Variants in RBM23 observed in about 807,000 individuals in gnomAD.
RBM23 encodes RNA binding motif protein 23, also known as probable RNA-binding protein 23.
RBM23 carries 53 observed loss-of-function variants against 56.2 expected under a neutral mutation model. That is an observed-to-expected ratio of 0.94 (90% CI 0.76 to 1.19). RBM23 has a LOEUF of 1.19. Ranked by LOEUF, RBM23 falls within the 50% of genes most tolerant of loss-of-function variation. RBM23 has a pLI of 0.00. For missense variants in RBM23, 642 were observed against 590.3 expected, an observed-to-expected ratio of 1.09 and a Z score of -0.91; for synonymous variants, 197 against 198.5, an observed-to-expected ratio of 0.99 and a Z score of 0.06.
At position 22,905,656 on chromosome 14, in the gene RBM23, A is replaced by C; in HGVS notation, c.405T>G (p.Tyr135Ter). Residue 135 changes from tyrosine (Y) to a stop codon, truncating the protein, a stop_gained, in exon 6 of 14, where the codon TAT becomes TAG. Transcript: ENST00000359890. LOFTEE classifies it high-confidence loss of function. The stretch of plus-strand genomic sequence containing the variant: ...GAGGACTCTTACTGTGTCCATACCT[A>C]TAACTAAAGAATAGAGAAAAACAAA... The part of the protein sequence containing the change: ...HYRSPPLATG[Y>*]RYGHSKSPHF... The C allele has an allele frequency of 6.2e-7, 1 of 1,602,460 alleles. No homozygotes were observed. The highest frequency in any genetic ancestry group is 1.1e-5 in the South Asian group (1 of 90,704).
rs560547482 is a variant in RBM23 at position 22,912,732 on chromosome 14, G to A, written c.-10-1329C>T. On this transcript the variant is annotated intron_variant, in intron 1 of 13. Coordinates refer to ENST00000359890, the MANE Select transcript of RBM23 (RefSeq NM_001077351.2). Reference sequence around the variant, plus strand: ...AGGCCAGGCGCGGTGGCTCATGCCTGTAATCCCAGCACTTTGGGAGGCCGA... The same window carrying A: ...AGGCCAGGCGCGGTGGCTCATGCCTATAATCCCAGCACTTTGGGAGGCCGA... Among the ~76,000 whole-genome samples, 33 of 152,148 alleles carry A rather than the reference G, an allele frequency of 2.2e-4. 1 individual carries two copies. In the East Asian group the frequency reaches 5.8e-3, roughly 27 times the overall value.
At position 22,897,286 on chromosome 14, in the gene RBM23, T is replaced by G. The variant is rs554580220; in HGVS notation, c.*4444A>C. The G allele has an allele frequency of 6.6e-6, 1 of 152,314 alleles. No individual in the cohort carries two copies. The highest frequency in any genetic ancestry group is 1.9e-4 in the East Asian group (1 of 5,190). The allele number at this position is 152,314 out of a possible 1,614,324, so 9.4% of individuals were successfully genotyped here. A position where few individuals can be genotyped will look rare whatever the true frequency, so the allele number is the denominator to read the frequency against. ...AGTAATGGAGTTTTCAATAAAATAA[T>G]TTTTATTGCAATTATTTTATTTACT... On this transcript the variant is annotated 3_prime_UTR_variant, in exon 14 of 14. Coordinates refer to ENST00000359890, the MANE Select transcript of RBM23 (RefSeq NM_001077351.2).
rs180752762 is a variant in RBM23 at position 22,915,521 on chromosome 14, A to C, written c.-11+3478T>G. Reference sequence around the variant, plus strand: ...CTTTTTTTTTTTTTTTTTGAGAAGGAGTCTAGCTCTGTTGTCCAGGCTGGA... The same window carrying C: ...CTTTTTTTTTTTTTTTTTGAGAAGGCGTCTAGCTCTGTTGTCCAGGCTGGA... On this transcript the variant is annotated intron_variant, in intron 1 of 13. Transcript: ENST00000359890. Among the ~76,000 whole-genome samples the C allele has an allele frequency of 2.4e-3, 297 of 123,862 alleles. 2 individuals are homozygous for C. The highest frequency in any genetic ancestry group is 9.2e-3 in the African/African-American group (288 of 31,366). The allele number at this position is 123,862 out of a possible 152,430, so 81.3% of individuals were successfully genotyped here. A position where few individuals can be genotyped will look rare whatever the true frequency, so the allele number is the denominator to read the frequency against.
rs940728447 is a variant in RBM23, at chr14:22,894,122, C to T, written c.*7608G>A. 9 of 152,282 alleles carry T rather than the reference C, an allele frequency of 5.9e-5. No individual in the cohort carries two copies. The highest frequency in any genetic ancestry group is 3.3e-4 in the Admixed American group (5 of 15,292). The allele number at this position is 152,282 out of a possible 1,614,324, so 9.4% of individuals were successfully genotyped here. A position where few individuals can be genotyped will look rare whatever the true frequency, so the allele number is the denominator to read the frequency against. On this transcript the variant is annotated 3_prime_UTR_variant, in exon 14 of 14. Coordinates refer to ENST00000359890, the MANE Select transcript of RBM23 (RefSeq NM_001077351.2). ...ATTTCTCAAGCATTATACAGAGAAGCGGTGGAAGTAGTAATGCCTTTTGCA... is the reference window on the plus strand; with the variant it reads ...ATTTCTCAAGCATTATACAGAGAAGTGGTGGAAGTAGTAATGCCTTTTGCA...
rs1051505120 is a variant in RBM23, at chr14:22,900,015, CTTATTA to C, written c.*1709_*1714del. The C allele has an allele frequency of 2.6e-5, 4 of 152,246 alleles. No individual in the cohort carries two copies. The East Asian group carries it at 7.7e-4, about 29-fold the overall frequency. 9.4% of individuals were successfully genotyped at this position (152,246 alleles called of 1,614,324 possible). On this transcript the variant is annotated 3_prime_UTR_variant, in exon 14 of 14. Transcript: ENST00000359890. ...GGTGAGACAGCCTCTCTCCCACCCC[CTTATTA>C]TTAAGGCAGTGGTAGGTGCACCTTC...
At position 22,900,385 on chromosome 14, in the gene RBM23, C is replaced by G. The variant is rs2040349421; in HGVS notation, c.*1345G>C. 7.7e-6 allele frequency: 1 copy of G among 129,452 alleles called. No homozygotes were observed. Among genetic ancestry groups the G allele is most frequent in the Non-Finnish European group, 1.6e-5 (1 of 63,116 alleles). 8.0% of individuals were successfully genotyped at this position (129,452 alleles called of 1,614,324 possible). On this transcript the variant is annotated 3_prime_UTR_variant, in exon 14 of 14. Transcript: ENST00000359890. ...AAAAAAACAAGTGTAGAATGCAGTA[C>G]TGTCATAGTGCCATCTGCTGGAAAG...
At chr14:22,915,668 G>T (rs943987342) in intron 1 of RBM23, among the ~76,000 whole-genome samples, 1 of 151,644 alleles carries the variant, frequency 6.6e-6, no homozygotes, top group South Asian at 2.1e-4. Context: ...ACTAATTTTT[G>T]TATTTTTAGT....
intron 1 of RBM23, among the ~76,000 whole-genome samples, chr14:22,918,757 C>T (rs1294743045): frequency 6.6e-6 from 1 of 152,156 alleles, no homozygotes; most frequent in Non-Finnish European, 1.5e-5. Context: ...TTCTAGAAAC[C>T]GCATCTTTAT....
chr14:22,905,047 A>G (rs376425273), intron 8 of RBM23, 35 bp from the exon 9 acceptor site: 40 of 1,613,910 alleles, frequency 2.5e-5, no homozygotes, highest in Non-Finnish European at 3.3e-5. Context: ...CATGTCCCAC[A>G]TTCCCTCTCC....
Position 22,905,412 on chromosome 14 carries a change from C to G in RBM23, c.497G>C (p.Arg166Pro), listed in dbSNP as rs572895941. The G allele has an allele frequency of 6.2e-7, 1 of 1,614,120 alleles. No individual in the cohort carries two copies. The highest frequency in any genetic ancestry group is 8.5e-7 in the Non-Finnish European group (1 of 1,180,028). Reference sequence around the variant, plus strand: ...AGCTAACTGCATACAGAAAACTGTGCGGGCATCACGCTCCTCAGGACTCAG... The same window carrying G: ...AGCTAACTGCATACAGAAAACTGTGGGGGCATCACGCTCCTCAGGACTCAG... Reference protein sequence around the residue: ...DNLSPEERDARTVFCMQLAAR... With the variant: ...DNLSPEERDAPTVFCMQLAAR... The change falls in exon 7 of 14, where the codon CGC becomes CCC. Residue 166 changes from arginine to proline, a missense_variant. By Grantham distance (103) the Arg-to-Pro change is moderately radical. Coordinates refer to ENST00000359890, the MANE Select transcript of RBM23 (RefSeq NM_001077351.2).
chr14:22,914,674 A>C (rs1030868417), intron 1 of RBM23, among the ~76,000 whole-genome samples: 1 of 151,814 alleles, frequency 6.6e-6, no homozygotes, highest in Non-Finnish European at 1.5e-5. Context: ...TCATAATCAG[A>C]CTTTTTCATA....
In RBM23 at chr14:22,899,821, TAAC is replaced by T. The variant is rs1405399387; in HGVS notation, c.*1906_*1908del. The T allele has an allele frequency of 6.6e-6, 1 of 152,236 alleles. No individual in the cohort carries two copies. Among genetic ancestry groups the T allele is most frequent in the Non-Finnish European group, 1.5e-5 (1 of 68,040 alleles). 9.4% of individuals were successfully genotyped at this position (152,236 alleles called of 1,614,324 possible). A position where few individuals can be genotyped will look rare whatever the true frequency, so the allele number is the denominator to read the frequency against. ...TTGTGTTAAAAGCAACCCCAGAGGC[TAAC>T]ATCACTGGCTTAGAAGTCTGAGAGC... is the stretch of plus-strand genomic sequence containing the variant. On this transcript the variant is annotated 3_prime_UTR_variant, in exon 14 of 14. Coordinates refer to ENST00000359890, the MANE Select transcript of RBM23 (RefSeq NM_001077351.2).
chr14:22,917,549 G>GT (rs201252399), intron 1 of RBM23: 5,851 of 134,202 alleles, frequency 0.044, 195 homozygotes, highest in Non-Finnish European at 0.07. Context: ...CAGGCTGGTA[G>GT]TTTTTTCTTT....
chr14:22,908,488 G>T, intron 3 of RBM23, 108 bp from the exon 4 acceptor site: 1 of 1,254,064 alleles, frequency 8.0e-7, no homozygotes, highest in Non-Finnish European at 1.1e-6. Flanking sequence ...CGCCTTCCAG[G>T]TTCAAGCGAT....
At chr14:22,912,998 C>CAAAAA (rs58361546) in intron 1 of RBM23, among the ~76,000 whole-genome samples, 2 of 35,412 alleles carry the variant, frequency 5.6e-5, no homozygotes, top group African/African-American at 1.6e-4. Flanking sequence ...GATTCAGTCT[C>CAAAAA]AAAAAAAAAA....
chr14:22,905,636 C>T lies in RBM23; in HGVS notation c.425G>A (p.Ser142Asn). ...TGGGCTCTTCTCTCTGAAATGAGGA[C>T]TCTTACTGTGTCCATACCTATAACT... Reference protein sequence around the residue: ...ATGYRYGHSKSPHFREKSPVR... With the variant: ...ATGYRYGHSKNPHFREKSPVR... The change falls in exon 6 of 14, where the codon AGT becomes AAT. Residue 142 changes from serine (S) to asparagine (N), a missense_variant. By Grantham distance (46) the Ser-to-Asn change is conservative (BLOSUM62 1). Coordinates refer to ENST00000359890, the MANE Select transcript of RBM23 (RefSeq NM_001077351.2). The T allele has an allele frequency of 6.2e-7, 1 of 1,609,990 alleles. No individual in the cohort carries two copies. The highest frequency in any genetic ancestry group is 1.3e-5 in the African/African-American group (1 of 75,042).
At chr14:22,903,418 CCACCACAGAATTGTCAA>C (rs2040965624) in intron 10 of RBM23, 19 of 985,378 alleles carry the variant, frequency 1.9e-5, no homozygotes, top group Non-Finnish European at 2.0e-5. Context: ...AAGTTACTTG[CCACCACAGAATTGTCAA>C]CACCACAGCT....
chr14:22,906,086 T>C (rs2041493605), intron 5 of RBM23, 109 bp downstream of exon 5: 2 of 1,288,306 alleles, frequency 1.6e-6, no homozygotes, highest in East Asian at 4.9e-5. Flanking sequence ...CTGAGTATCC[T>C]GCCAATCACA....
Position 22,906,366 on chromosome 14 carries a change from C to T in RBM23, c.230G>A (p.Arg77His), listed in dbSNP as rs754141609. 3.7e-6 allele frequency: 6 copies of T among 1,613,922 alleles called. No homozygotes were observed. Among genetic ancestry groups the T allele is most frequent in the East Asian group, 2.2e-5 (1 of 44,892 alleles). Residue 77 changes from arginine (R) to histidine (H), a missense_variant and splice_region_variant, in exon 5 of 14, where the codon CGT (arginine) becomes CAT (histidine). By Grantham distance (29) the Arg-to-His change is conservative (BLOSUM62 0). Transcript: ENST00000359890. ...HNKSRDRKRS[R>H]SRDRDRYRRR... ...TCTATACCGATCCCGATCTCGACTA[C>T]GACTACAGAGGGAAACAACTACAGT...
Sources: allele counts gnomAD v4.1 joint callset (sites outside exome capture counted in the v4.1 genomes callset), GRCh38; gene constraint gnomAD v4.1.1; transcripts MANE v1.5; gene names NCBI Gene and HGNC (gene_info 2026-07-23, HGNC 2026-07-21).